DLGAP2: variants seen among roughly 807,000 people sequenced by gnomAD.
The protein encoded by DLGAP2 is disks large-associated protein 2.
DLGAP2 carries 26 observed loss-of-function variants against 100.3 expected under a neutral mutation model. The ratio of observed to expected loss-of-function variants is 0.26; its 90% CI spans 0.19 to 0.36. The LOEUF is 0.36. Ranked by LOEUF, DLGAP2 falls within the 10% of genes least tolerant of loss-of-function variation. The probability of loss-of-function intolerance (pLI) is 1.00; values close to 1 mark genes in which losing one functional copy is unlikely to be tolerated. For synonymous variants in DLGAP2, 886 were observed against 630.1 expected, an observed-to-expected ratio of 1.41 and a Z score of -6.08; for missense variants, 1,858 against 1,453.2, an observed-to-expected ratio of 1.28 and a Z score of -4.53.
chr8:1,199,986 G>T lies in DLGAP2; in HGVS notation c.74-58865G>T, dbSNP rs144981654. Among the ~76,000 whole-genome samples, 159 of 152,134 alleles carry T rather than the reference G, an allele frequency of 1.0e-3. 2 individuals are homozygous for T. Among genetic ancestry groups the T allele is most frequent in the African/African-American group, 3.4e-3 (142 of 41,538 alleles). On this transcript the variant is annotated intron_variant, in intron 2 of 14. Coordinates refer to ENST00000637795, the MANE Select transcript of DLGAP2 (RefSeq NM_001346810.2). ...GCCGGGTCTCAGCAGGGGTCAGTCTGTGCATCCCCGGGGGTCCCATCCTGT... is the reference window on the plus strand; with the variant it reads ...GCCGGGTCTCAGCAGGGGTCAGTCTTTGCATCCCCGGGGGTCCCATCCTGT...
At chr8:808,819 A>C (rs1796316629) in intron 1 of DLGAP2, among the ~76,000 whole-genome samples, 1 of 152,018 alleles carries the variant, frequency 6.6e-6, no homozygotes, top group African/African-American at 2.4e-5. Flanking sequence ...ATACTTGTGA[A>C]ATACTTGTTT....
intron 2 of DLGAP2, among the ~76,000 whole-genome samples, chr8:1,023,195 C>A (rs745982719): frequency 2.0e-5 from 3 of 152,136 alleles, no homozygotes; most frequent in Non-Finnish European, 4.4e-5. Flanking sequence ...ATGCCCAGGG[C>A]CAAGGGACTC....
At chr8:1,586,763 C>T (rs1202691575) in intron 6 of DLGAP2, among the ~76,000 whole-genome samples, 2 of 152,170 alleles carry the variant, frequency 1.3e-5, no homozygotes, top group Non-Finnish European at 2.9e-5. Flanking sequence ...GGAACTGCCT[C>T]TATGTTTTTA....
intron 2 of DLGAP2, among the ~76,000 whole-genome samples, chr8:1,040,718 A>T (rs1802321573): frequency 1.3e-5 from 2 of 151,284 alleles, no homozygotes; most frequent in African/African-American, 2.4e-5. Context: ...GGTCAGCTAG[A>T]TTTCTGTGGT....
chr8:1,092,415 G>A (rs1804216184), intron 2 of DLGAP2, among the ~76,000 whole-genome samples: 1 of 152,214 alleles, frequency 6.6e-6, no homozygotes, highest in Non-Finnish European at 1.5e-5. Context: ...TCCCGGGGCT[G>A]GCTTGCCTGT....
At chr8:1,485,067 A>G (rs555873626) in intron 3 of DLGAP2, among the ~76,000 whole-genome samples, 2 of 152,356 alleles carry the variant, frequency 1.3e-5, no homozygotes, top group South Asian at 4.2e-4. Flanking sequence ...CTCTTAAAGA[A>G]CTATAGAGAA....
At chr8:1,258,218 A>C (rs1486801320) in intron 2 of DLGAP2, among the ~76,000 whole-genome samples, 1 of 152,254 alleles carries the variant, frequency 6.6e-6, no homozygotes, top group East Asian at 1.9e-4. Flanking sequence ...CTGTAGCTGA[A>C]GTCAAGGTTT....
At chr8:1,019,498 C>G (rs1335279709) in intron 2 of DLGAP2, 2 of 151,468 alleles carry the variant, frequency 1.3e-5, no homozygotes, top group African/African-American at 4.9e-5. Flanking sequence ...ACATCTGCTT[C>G]TGGAGCACAT....
Position 1,417,699 on chromosome 8 carries a change from A to C in DLGAP2, c.107-83667A>C, listed in dbSNP as rs1796963363. 1.4e-5 allele frequency among the ~76,000 whole-genome samples: 2 copies of C among 147,146 alleles called. 1 individual carries two copies. The highest frequency in any genetic ancestry group is 3.0e-5 in the Non-Finnish European group (2 of 67,002). ...GCTCCAGGGGGGCACAGGGGGCCCC[A>C]CTCCTGCCTCACTCGGCGAGGCTCC... On this transcript the variant is annotated intron_variant, in intron 3 of 14. Coordinates refer to ENST00000637795, the MANE Select transcript of DLGAP2 (RefSeq NM_001346810.2).
At chr8:856,678 T>G (rs1434760244) in intron 1 of DLGAP2, among the ~76,000 whole-genome samples, 1 of 152,186 alleles carries the variant, frequency 6.6e-6, no homozygotes, top group Non-Finnish European at 1.5e-5. Context: ...CAAAATAGCA[T>G]AAGATCTATA....
At chr8:1,506,207 C>T (rs577858797) in intron 4 of DLGAP2, among the ~76,000 whole-genome samples, 77 of 152,292 alleles carry the variant, frequency 5.1e-4, no homozygotes, top group African/African-American at 1.8e-3. Flanking sequence ...CAGGAATTCC[C>T]CTTGGGATGT....
intron 2 of DLGAP2, among the ~76,000 whole-genome samples, chr8:1,000,743 G>A (rs141864215): frequency 2.1e-3 from 325 of 152,220 alleles, no homozygotes; most frequent in Middle Eastern, 3.4e-3. Context: ...ACTCAACGTC[G>A]ACTGCAGGGG....
chr8:1,432,585 T>C (rs1797482699), intron 3 of DLGAP2, among the ~76,000 whole-genome samples: 1 of 152,208 alleles, frequency 6.6e-6, no homozygotes, highest in South Asian at 2.1e-4. Flanking sequence ...TTGTCTTTTG[T>C]AGTTGTAGTT....
chr8:1,271,993 T>C (rs181092263), intron 3 of DLGAP2, among the ~76,000 whole-genome samples: 5 of 152,216 alleles, frequency 3.3e-5, no homozygotes, highest in Non-Finnish European at 7.4e-5. Flanking sequence ...GGATTTTTTT[T>C]AGTAGAGATG....
chr8:1,312,560 T>C (rs1800638017), intron 3 of DLGAP2, among the ~76,000 whole-genome samples: 2 of 152,220 alleles, frequency 1.3e-5, no homozygotes, highest in African/African-American at 4.8e-5. Flanking sequence ...GAGTTATTTC[T>C]GAATGATTAT....
At chr8:1,096,366 G>A (rs2701959) in intron 2 of DLGAP2, among the ~76,000 whole-genome samples, 145,827 of 152,340 alleles carry the variant, frequency 0.96, 69,944 homozygotes, top group African/African-American at 0.98. Context: ...TCCGGGGCAT[G>A]TTCATCATCA....
At chr8:854,020 C>A (rs1174002142) in intron 1 of DLGAP2, among the ~76,000 whole-genome samples, 1 of 152,124 alleles carries the variant, frequency 6.6e-6, no homozygotes, top group Non-Finnish European at 1.5e-5. Flanking sequence ...AGTGAGAAGG[C>A]GCTGTCTCTG....
At chr8:1,615,680 C>T (rs971016813) in intron 6 of DLGAP2, among the ~76,000 whole-genome samples, 7 of 150,806 alleles carry the variant, frequency 4.6e-5, no homozygotes, top group African/African-American at 9.8e-5. Flanking sequence ...TAGAACTCAC[C>T]GGAAAGATCT....
intron 2 of DLGAP2, among the ~76,000 whole-genome samples, chr8:1,241,732 A>G (rs964359591): frequency 1.6e-5 from 2 of 123,338 alleles, no homozygotes; most frequent in Non-Finnish European, 3.3e-5. Context: ...CCAGCAAAAC[A>G]TATGTAAGTG....
Sources: gnomAD v4.1 joint callset for allele counts (sites outside exome capture counted in the v4.1 genomes callset) on GRCh38, gnomAD v4.1.1 for gene constraint, MANE v1.5 for transcripts, NCBI Gene and HGNC (gene_info 2026-07-23, HGNC 2026-07-21) for gene names.